The following CAVIN1 variants were observed in gnomAD, a reference collection of about 807,000 sequenced individuals.
CAVIN1 encodes the protein caveolae-associated protein 1.
A neutral mutation model predicts 24.0 loss-of-function variants in CAVIN1; 16 were observed. The observed-to-expected ratio is 0.67, with a 90% confidence interval of 0.45 to 1.01. The LOEUF (loss-of-function observed/expected upper bound fraction) is 1.01. CAVIN1 is among the 50% of genes least tolerant of loss of function. The pLI is 0.00. For missense variants in CAVIN1, 510 were observed against 551.7 expected, an observed-to-expected ratio of 0.92 and a Z score of 0.76; for synonymous variants, 256 against 256.4, an observed-to-expected ratio of 1.00 and a Z score of 0.02.
chr17:42,422,756 C>T lies in CAVIN1; in HGVS notation c.342G>A (p.Val114=), dbSNP rs757243784. 1 of 1,612,846 alleles carries T rather than the reference C, an allele frequency of 6.2e-7. No homozygotes were observed. The highest frequency in any genetic ancestry group is 8.5e-7 in the Non-Finnish European group (1 of 1,179,560). Reference sequence around the variant, plus strand: ...TCTTCACGTTGACGCTGACCTTGCGCACCTTCTCCAGCAGCTTGCTCACCG... The same window carrying T: ...TCTTCACGTTGACGCTGACCTTGCGTACCTTCTCCAGCAGCTTGCTCACCG... The part of the protein sequence containing the change: ...SNTVSKLLEK[V]RKVSVNVKTV... Residue 114 remains valine (V), a synonymous_variant, in exon 1 of 2, where the codon GTG becomes GTA. Transcript: ENST00000357037.
intron 1 of CAVIN1, chr17:42,412,122 C>A (rs113522307): frequency 1.0e-6 from 1 of 985,150 alleles, no homozygotes; most frequent in African/African-American, 1.7e-5. Context: ...GTGCCCTAGG[C>A]GTCTGGTCAA....
rs1351881375 is a variant in CAVIN1, at chr17:42,402,698, A to G, written c.*1989T>C. 1 of 151,830 alleles carries G rather than the reference A, an allele frequency of 6.6e-6. No individual in the cohort carries two copies. Among genetic ancestry groups the G allele is most frequent in the African/African-American group, 2.4e-5 (1 of 41,330 alleles). The allele number at this position is 151,830 out of a possible 1,614,324, so 9.4% of individuals were successfully genotyped here. On this transcript the variant is annotated 3_prime_UTR_variant, in exon 2 of 2. Coordinates refer to ENST00000357037, the MANE Select transcript of CAVIN1 (RefSeq NM_012232.6). ...AAAAAAAAGCAAAGCTTTGTATTGTATAAAAGGTTTGTGTCCCCAGGCTCC... is the reference window on the plus strand; with the variant it reads ...AAAAAAAAGCAAAGCTTTGTATTGTGTAAAAGGTTTGTGTCCCCAGGCTCC...
chr17:42,408,864 C>T lies in CAVIN1; in HGVS notation c.472-3476G>A, dbSNP rs546244644. On this transcript the variant is annotated intron_variant, in intron 1 of 1. Transcript: ENST00000357037. ...GGAGTGCAGTGGCGCGATCTCGGCT[C>T]ACTGCAACCTCTGCCTCCTGGGTTC... Among the ~76,000 whole-genome samples the T allele has an allele frequency of 2.4e-3, 349 of 147,088 alleles. 1 individual carries two copies. The highest frequency in any genetic ancestry group is 3.6e-3 in the Non-Finnish European group (246 of 67,414).
intron 1 of CAVIN1, among the ~76,000 whole-genome samples, chr17:42,410,227 C>G (rs2085467739): frequency 1.3e-5 from 2 of 152,180 alleles, no homozygotes; most frequent in Admixed American, 6.5e-5. Flanking sequence ...AGCTCTAGGT[C>G]CCCAACCACT....
intron 1 of CAVIN1, among the ~76,000 whole-genome samples, chr17:42,410,686 G>C (rs2145477358): frequency 6.6e-6 from 1 of 152,032 alleles, no homozygotes; most frequent in South Asian, 2.1e-4. Flanking sequence ...GGCCGAGGTG[G>C]GCAGATTACG....
chr17:42,421,510 T>C (rs2085545212), intron 1 of CAVIN1, among the ~76,000 whole-genome samples: 1 of 152,088 alleles, frequency 6.6e-6, no homozygotes, highest in Non-Finnish European at 1.5e-5. Context: ...GTTAGGAGCA[T>C]CAGCAGGCCT....
At chr17:42,407,667 A>G (rs1487649481) in intron 1 of CAVIN1, among the ~76,000 whole-genome samples, 1 of 152,062 alleles carries the variant, frequency 6.6e-6, no homozygotes, top group Admixed American at 6.6e-5. Flanking sequence ...CTGTTACCCA[A>G]CTACACCTCC....
At position 42,405,138 on chromosome 17, in the gene CAVIN1, A is replaced by C. The variant is rs921308426; in HGVS notation, c.722T>G (p.Met241Arg). ...GCGGGTACGCACCTTGGTCTTCTCC[A>C]TCTTCTCCTTGGAGAAGGCCTTCTT... is the stretch of plus-strand genomic sequence containing the variant. ...DFKKAFSKEKMEKTKVRTREN... is the reference protein window; with the variant it reads ...DFKKAFSKEKREKTKVRTREN... The change falls in exon 2 of 2, where the codon ATG becomes AGG. Residue 241 changes from methionine (M) to arginine (R), a missense_variant. Met to Arg is a moderately conservative substitution (Grantham distance 91). Transcript: ENST00000357037. 1.9e-6 allele frequency: 3 copies of C among 1,612,218 alleles called. No individual in the cohort carries two copies. The South Asian group carries it at 3.3e-5, about 18-fold the overall frequency.
At chr17:42,422,239 C>T (rs1040343318) in intron 1 of CAVIN1, among the ~76,000 whole-genome samples, 10 of 152,230 alleles carry the variant, frequency 6.6e-5, no homozygotes, top group Non-Finnish European at 1.5e-4. Flanking sequence ...GGACCCCTGA[C>T]TTTCCTAGAA....
At chr17:42,415,488 G>T (rs996119403) in intron 1 of CAVIN1, among the ~76,000 whole-genome samples, 2 of 152,138 alleles carry the variant, frequency 1.3e-5, no homozygotes, top group African/African-American at 4.8e-5. Context: ...TGAGGCAGAC[G>T]GATTGCTTGA....
At chr17:42,405,682 GTTTTTTTTTTT>G (rs531661585) in intron 1 of CAVIN1, among the ~76,000 whole-genome samples, 12 of 57,828 alleles carry the variant, frequency 2.1e-4, no homozygotes, top group East Asian at 7.1e-4. Context: ...CTCTCTCCTT[GTTTTTTTTTTT>G]TTTTTTTTTT....
At chr17:42,408,711 G>T (rs1311290432) in intron 1 of CAVIN1, among the ~76,000 whole-genome samples, 2 of 149,670 alleles carry the variant, frequency 1.3e-5, no homozygotes, top group Non-Finnish European at 3.0e-5. Flanking sequence ...GGCTGGTCTT[G>T]AACTCCCAAC....
chr17:42,407,181 G>A (rs2085451200), intron 1 of CAVIN1, among the ~76,000 whole-genome samples: 1 of 152,074 alleles, frequency 6.6e-6, no homozygotes. Context: ...AGAGAGCAGG[G>A]GAGGCTGAGC....
chr17:42,423,155 C>T lies in CAVIN1; in HGVS notation c.-58G>A, dbSNP rs867666646. On this transcript the variant is annotated 5_prime_UTR_variant, in exon 1 of 2. Coordinates refer to ENST00000357037, the MANE Select transcript of CAVIN1 (RefSeq NM_012232.6). ...GGGGCTGGAGCTGGAGCGGGAGACCCGGAGAGAAGCAGGAGCGGAAGGGAG... is the reference window on the plus strand; with the variant it reads ...GGGGCTGGAGCTGGAGCGGGAGACCTGGAGAGAAGCAGGAGCGGAAGGGAG... 1.2e-5 allele frequency: 16 copies of T among 1,347,230 alleles called. No homozygotes were observed. The Middle Eastern group carries it at 1.0e-3, about 87-fold the overall frequency. 83.5% of individuals were successfully genotyped at this position (1,347,230 alleles called of 1,614,324 possible).
rs74865730 is a variant in CAVIN1 at position 42,410,636 on chromosome 17, G to A, written c.472-5248C>T. Among the ~76,000 whole-genome samples, 1,347 of 152,124 alleles carry A rather than the reference G, an allele frequency of 8.9e-3. 26 individuals carry two copies. The highest frequency in any genetic ancestry group is 0.031 in the African/African-American group (1,289 of 41,482). The stretch of plus-strand genomic sequence containing the variant: ...TGGTTAAAAATATCTGAAAGGGGCC[G>A]GGTGCTGTGGCTCAAGGCTGTAATC... On this transcript the variant is annotated intron_variant, in intron 1 of 1. Coordinates refer to ENST00000357037, the MANE Select transcript of CAVIN1 (RefSeq NM_012232.6).
At chr17:42,410,552 C>T (rs1455866943) in intron 1 of CAVIN1, among the ~76,000 whole-genome samples, 1 of 152,136 alleles carries the variant, frequency 6.6e-6, no homozygotes, top group Non-Finnish European at 1.5e-5. Context: ...AGCCACAGTA[C>T]ATAAACAGAT....
Position 42,404,811 on chromosome 17 carries a change from T to C in CAVIN1, c.1049A>G (p.Glu350Gly), listed in dbSNP as rs2085432351. ...GGCCTCCCCGCGCTCCGCGCCGCCCTCGTCGTCGTCGGCGCCCACCTCCAC... is the reference window on the plus strand; with the variant it reads ...GGCCTCCCCGCGCTCCGCGCCGCCCCCGTCGTCGTCGGCGCCCACCTCCAC... ...EMVEVGADDD[E>G]GGAERGEAGD... Residue 350 changes from glutamate to glycine, a missense_variant, in exon 2 of 2, where the codon GAG (glutamate) becomes GGG (glycine). Coordinates refer to ENST00000357037, the MANE Select transcript of CAVIN1 (RefSeq NM_012232.6). The C allele has an allele frequency of 6.2e-7, 1 of 1,611,082 alleles. No individual in the cohort carries two copies. Among genetic ancestry groups the C allele is most frequent in the Middle Eastern group, 1.7e-4 (1 of 5,994 alleles).
chr17:42,409,199 C>G (rs1197683509), intron 1 of CAVIN1, among the ~76,000 whole-genome samples: 1 of 152,114 alleles, frequency 6.6e-6, no homozygotes, highest in Admixed American at 6.6e-5. Context: ...CTCCTGGGCT[C>G]TAGTGATCCT....
At chr17:42,412,286 G>T in intron 1 of CAVIN1, 1 of 985,154 alleles carries the variant, frequency 1.0e-6, no homozygotes, top group Non-Finnish European at 1.2e-6. Context: ...TGGGGCTTGG[G>T]GTGGGTGCAA....
Sources: allele counts gnomAD v4.1 joint callset (sites outside exome capture counted in the v4.1 genomes callset), GRCh38; gene constraint gnomAD v4.1.1; transcripts MANE v1.5; gene names NCBI Gene and HGNC (gene_info 2026-07-23, HGNC 2026-07-21).